The following SLC4A4 variants were observed in gnomAD, a reference collection of about 807,000 sequenced individuals.
SLC4A4 encodes the protein solute carrier family 4 member 4, also known as electrogenic sodium bicarbonate cotransporter 1.
SLC4A4 carries 27 observed loss-of-function variants against 111.5 expected under a neutral mutation model. That is an observed-to-expected ratio of 0.24 (90% CI 0.18 to 0.33). The LOEUF (loss-of-function observed/expected upper bound fraction) is 0.33, where lower values mean the gene tolerates loss of function less well. Among genes scored for constraint, SLC4A4 ranks in the 10% least tolerant of loss-of-function variants. The probability of loss-of-function intolerance (pLI) is 1.00; values close to 1 mark genes in which losing one functional copy is unlikely to be tolerated. For synonymous variants in SLC4A4, 443 were observed against 463.4 expected (o/e 0.96, Z 0.57); for missense variants, 909 against 1,315.5 (o/e 0.69, Z 4.78).
chr4:71,110,069 T>C (rs1378482831), intron 2 of SLC4A4, among the ~76,000 whole-genome samples: 1 of 152,142 alleles, frequency 6.6e-6, no homozygotes, highest in Non-Finnish European at 1.5e-5. Context: ...AAATCTTCAA[T>C]AGACTACAGA....
chr4:71,084,552 C>T (rs1417584188), intron 1 of SLC4A4, among the ~76,000 whole-genome samples: 18 of 151,972 alleles, frequency 1.2e-4, no homozygotes, highest in Non-Finnish European at 8.8e-5. Flanking sequence ...TATCCCTCCC[C>T]CCTGCCCCCA....
At chr4:71,277,410 CT>C (rs1320834026) in intron 3 of SLC4A4, among the ~76,000 whole-genome samples, 1 of 151,966 alleles carries the variant, frequency 6.6e-6, no homozygotes, top group African/African-American at 2.4e-5. Flanking sequence ...TGTTGAGTAT[CT>C]TTTTTGCCAT....
intron 12 of SLC4A4, among the ~76,000 whole-genome samples, chr4:71,453,901 A>G (rs1410548433): frequency 6.6e-6 from 1 of 152,178 alleles, no homozygotes; most frequent in Non-Finnish European, 1.5e-5. Context: ...AAAGGAAGGG[A>G]AGGAAATGAG....
chr4:71,313,678 C>G (rs1479812037), intron 3 of SLC4A4, among the ~76,000 whole-genome samples: 2 of 152,110 alleles, frequency 1.3e-5, no homozygotes, highest in Non-Finnish European at 2.9e-5. Context: ...GAAAGGATTC[C>G]CTATTTAATA....
At chr4:71,475,256 AC>A (rs1312283177) in intron 14 of SLC4A4, among the ~76,000 whole-genome samples, 1 of 151,756 alleles carries the variant, frequency 6.6e-6, no homozygotes, top group African/African-American at 2.4e-5. Flanking sequence ...TCAACCCCAT[AC>A]CTACCTGAGG....
At chr4:71,508,272 C>T (rs575338761) in intron 16 of SLC4A4, among the ~76,000 whole-genome samples, 54 of 152,092 alleles carry the variant, frequency 3.6e-4, no homozygotes, top group African/African-American at 9.9e-4. Flanking sequence ...ATGAAAAACC[C>T]TTCAAAAGAT....
chr4:71,508,538 A>G (rs1269560359), intron 16 of SLC4A4, among the ~76,000 whole-genome samples: 2 of 152,162 alleles, frequency 1.3e-5, no homozygotes, highest in African/African-American at 4.8e-5. Flanking sequence ...GGACACATAC[A>G]CCTTCCCAAG....
intron 2 of SLC4A4, among the ~76,000 whole-genome samples, chr4:71,130,750 C>T (rs1743679887): frequency 6.6e-6 from 1 of 152,156 alleles, no homozygotes. Context: ...AAACCTCGCT[C>T]ATATACTTTT....
chr4:71,537,804 G>A (rs905859616), intron 18 of SLC4A4, among the ~76,000 whole-genome samples: 4 of 151,896 alleles, frequency 2.6e-5, no homozygotes, highest in African/African-American at 7.3e-5. Context: ...CACAGAGCCC[G>A]AGAATTGGTC....
At chr4:71,180,685 A>C (rs557456044) in intron 2 of SLC4A4, among the ~76,000 whole-genome samples, 42 of 152,354 alleles carry the variant, frequency 2.8e-4, no homozygotes, top group Admixed American at 2.6e-3. Context: ...GCAATCATTA[A>C]AAAGTCAGGA....
At chr4:71,091,846 G>A (rs17687991) in intron 1 of SLC4A4, among the ~76,000 whole-genome samples, 82,310 of 152,076 alleles carry the variant, frequency 0.54, 25,828 homozygotes, top group East Asian at 0.75. Flanking sequence ...AACAGTATCT[G>A]TAATAACAAC....
At chr4:71,106,345 C>T (rs1195683974) in intron 2 of SLC4A4, among the ~76,000 whole-genome samples, 7 of 151,108 alleles carry the variant, frequency 4.6e-5, no homozygotes, top group African/African-American at 1.2e-4. Context: ...CTAGTTCAAC[C>T]GTTGTGGAAG....
At chr4:71,125,917 A>G (rs548272916) in intron 2 of SLC4A4, among the ~76,000 whole-genome samples, 2 of 152,166 alleles carry the variant, frequency 1.3e-5, no homozygotes, top group Non-Finnish European at 2.9e-5. Flanking sequence ...TACTACAAAC[A>G]CAGGATCCAA....
upstream of SLC4A4, among the ~76,000 whole-genome samples, chr4:71,185,874 T>G (rs1745434285): frequency 6.6e-6 from 1 of 151,702 alleles, no homozygotes; most frequent in Admixed American, 6.5e-5. Flanking sequence ...CTCTTGAGCT[T>G]TATGCATTTT....
chr4:71,169,052 C>T (rs760523916), intron 2 of SLC4A4, among the ~76,000 whole-genome samples: 4 of 151,842 alleles, frequency 2.6e-5, no homozygotes, highest in Non-Finnish European at 4.4e-5. Flanking sequence ...GGGTTTCGCT[C>T]TTGTTGCCCC....
intron 16 of SLC4A4, among the ~76,000 whole-genome samples, chr4:71,530,279 T>C (rs1159477513): frequency 1.3e-5 from 2 of 152,116 alleles, no homozygotes; most frequent in Non-Finnish European, 2.9e-5. Flanking sequence ...ATTAGGAGAG[T>C]TTATTATGTT....
chr4:71,443,140 A>ATG (rs1724913111), intron 8 of SLC4A4, among the ~76,000 whole-genome samples: 1 of 136,236 alleles, frequency 7.3e-6, no homozygotes, highest in Non-Finnish European at 1.5e-5. Flanking sequence ...ATATATATAT[A>ATG]TATATATATA....
chr4:71,085,277 T>A (rs1333821868), intron 1 of SLC4A4, among the ~76,000 whole-genome samples: 1 of 152,072 alleles, frequency 6.6e-6, no homozygotes, highest in Non-Finnish European at 1.5e-5. Context: ...GTAAATTTGT[T>A]TGAGTTCATT....
chr4:71,178,448 T>C (rs1041367567), intron 2 of SLC4A4, among the ~76,000 whole-genome samples: 13 of 151,978 alleles, frequency 8.6e-5, no homozygotes, highest in African/African-American at 2.9e-4. Context: ...ACAAAATTGA[T>C]AGACCGCTAG....
Sources: allele counts gnomAD v4.1 joint callset (sites outside exome capture counted in the v4.1 genomes callset), GRCh38; gene constraint gnomAD v4.1.1; transcripts MANE v1.5; gene names NCBI Gene and HGNC (gene_info 2026-07-23, HGNC 2026-07-21).